The following PRKAG2 variants were observed in gnomAD, a reference collection of about 807,000 sequenced individuals.
PRKAG2 encodes the protein 5'-AMP-activated protein kinase subunit gamma-2.
A neutral mutation model predicts 69.6 loss-of-function variants in PRKAG2; 26 were observed. That is an observed-to-expected ratio of 0.37 (90% CI 0.27 to 0.52). The LOEUF (loss-of-function observed/expected upper bound fraction) is 0.52, where lower values mean the gene tolerates loss of function less well. Among genes scored for constraint, PRKAG2 ranks in the 20% least tolerant of loss-of-function variants. The pLI is 0.90. For synonymous variants in PRKAG2, 293 were observed against 285.0 expected (o/e 1.03, Z -0.28); for missense variants, 557 against 740.0 (o/e 0.75, Z 2.87).
rs555690802 is a variant in PRKAG2 at position 151,580,926 on chromosome 7, G to A, written c.865-4474C>T. 4.6e-5 allele frequency among the ~76,000 whole-genome samples: 7 copies of A among 152,244 alleles called. No homozygotes were observed. The South Asian group carries it at 1.5e-3, about 32-fold the overall frequency. ...TGACTACAGTCAACAATAATTTATTGTACATTTAAAAATAACCAATAATTG... is the reference window on the plus strand; with the variant it reads ...TGACTACAGTCAACAATAATTTATTATACATTTAAAAATAACCAATAATTG... On this transcript the variant is annotated intron_variant, in intron 6 of 15. Coordinates refer to ENST00000287878, the MANE Select transcript of PRKAG2 (RefSeq NM_016203.4).
intron 3 of PRKAG2, chr7:151,736,150 CG>C: frequency 6.9e-7 from 1 of 1,450,428 alleles, no homozygotes; most frequent in Non-Finnish European, 9.1e-7. Flanking sequence ...GGTGACAGCC[CG>C]GGTTCAAGCG....
At chr7:151,576,276 T>G in intron 7 of PRKAG2, 95 bp downstream of exon 7, 1 of 1,120,720 alleles carries the variant, frequency 8.9e-7, no homozygotes, top group Non-Finnish European at 1.3e-6. Flanking sequence ...ACATGTTTAC[T>G]AGGTTGAATT....
In PRKAG2 at chr7:151,576,459, A is replaced by G. The variant is rs1433226385; in HGVS notation, c.865-7T>C. The G allele has an allele frequency of 1.3e-6, 2 of 1,578,676 alleles. No individual in the cohort carries two copies. The highest frequency in any genetic ancestry group is 1.1e-5 in the South Asian group (1 of 90,262). ...CAAAGAAGGCCTTTTTAACCTGAAGAAAAAGAGGAGAAACAAAACATACTT... is the reference window on the plus strand; with the variant it reads ...CAAAGAAGGCCTTTTTAACCTGAAGGAAAAGAGGAGAAACAAAACATACTT... On this transcript the variant is annotated splice_region_variant and splice_polypyrimidine_tract_variant and intron_variant, in intron 6 of 15. Transcript: ENST00000287878.
chr7:151,868,651 A>G (rs2080138232), intron 1 of PRKAG2, among the ~76,000 whole-genome samples: 1 of 152,200 alleles, frequency 6.6e-6, no homozygotes, highest in African/African-American at 2.4e-5. Context: ...GATCACGTTC[A>G]TTGGTCCCAT....
At chr7:151,718,141 G>A (rs1449807183) in intron 3 of PRKAG2, among the ~76,000 whole-genome samples, 3 of 152,144 alleles carry the variant, frequency 2.0e-5, no homozygotes, top group Non-Finnish European at 4.4e-5. Context: ...TAGATGGGGT[G>A]GCTTACGTAA....
intron 3 of PRKAG2, among the ~76,000 whole-genome samples, chr7:151,773,023 A>AAGAAAGAAAGAGAG (rs1563639223): frequency 1.8e-5 from 1 of 55,052 alleles, no homozygotes; most frequent in South Asian, 5.9e-4. Context: ...GAAAGAAAGA[A>AAGAAAGAAAGAGAG]AGAGAGAGAG....
At position 151,632,331 on chromosome 7, in the gene PRKAG2, G is replaced by C. The variant is rs1009950396; in HGVS notation, c.685-193C>G. On this transcript the variant is annotated intron_variant, in intron 4 of 15. Coordinates refer to ENST00000287878, the MANE Select transcript of PRKAG2 (RefSeq NM_016203.4). The surrounding 1 kb of genome is among the most constrained non-coding windows in gnomAD (Gnocchi z 4.2). ...CCCCCACCCGCCCGAGGCCGCCGCC[G>C]CCGCCGCAGGTGGCGCGGCCGCGGC... 10 of 707,834 alleles carry C rather than the reference G, an allele frequency of 1.4e-5. No homozygotes were observed. The highest frequency in any genetic ancestry group is 2.0e-5 in the African/African-American group (1 of 51,124). The allele number at this position is 707,834 out of a possible 1,614,324, so 43.8% of individuals were successfully genotyped here. A position where few individuals can be genotyped will look rare whatever the true frequency, so the allele number is the denominator to read the frequency against.
In PRKAG2 at chr7:151,760,011, A is replaced by C. The variant is rs531646113; in HGVS notation, c.466+21141T>G. On this transcript the variant is annotated intron_variant, in intron 3 of 15. Coordinates refer to ENST00000287878, the MANE Select transcript of PRKAG2 (RefSeq NM_016203.4). ...TGTGGACTGTGGTGGGGTAGCACCA[A>C]GTCATTCCTACAGAGTTTCTCTGTT... Among the ~76,000 whole-genome samples, 197 of 152,358 alleles carry C rather than the reference A, an allele frequency of 1.3e-3. 1 individual carries two copies. The highest frequency in any genetic ancestry group is 2.6e-3 in the Non-Finnish European group (180 of 68,028).
At chr7:151,815,429 G>T (rs894935562) in intron 1 of PRKAG2, among the ~76,000 whole-genome samples, 8 of 152,030 alleles carry the variant, frequency 5.3e-5, no homozygotes, top group African/African-American at 1.9e-4. Context: ...ACCTCCTCCT[G>T]GGGGCTCTCA....
intron 6 of PRKAG2, among the ~76,000 whole-genome samples, chr7:151,586,191 C>T (rs1307180769): frequency 3.3e-5 from 5 of 152,228 alleles, no homozygotes; most frequent in African/African-American, 9.6e-5. Context: ...TGCTTGGCTG[C>T]CAAGCTGCAG....
At position 151,788,311 on chromosome 7, in the gene PRKAG2, C is replaced by T. The variant is rs2077112334; in HGVS notation, c.115-1770G>A. On this transcript the variant is annotated intron_variant, in intron 1 of 15. Transcript: ENST00000287878. This position sits in a 1 kb window ranked among gnomAD's most constrained non-coding sequence, Gnocchi z 4.6. ...GACAGCCATCTTAAGTGGGCGTGAG[C>T]TGGTATCTCATTGTGGTTTTGATTT... is the stretch of plus-strand genomic sequence containing the variant. Among the ~76,000 whole-genome samples, 1 of 152,220 alleles carries T rather than the reference C, an allele frequency of 6.6e-6. No homozygotes were observed. The highest frequency in any genetic ancestry group is 1.5e-5 in the Non-Finnish European group (1 of 68,044).
intron 1 of PRKAG2, among the ~76,000 whole-genome samples, chr7:151,795,862 T>TACAC (rs1399450065): frequency 1.8e-5 from 2 of 110,216 alleles, no homozygotes; most frequent in African/African-American, 7.6e-5. Context: ...TATATATATA[T>TACAC]ATATATATAT....
At position 151,675,599 on chromosome 7, in the gene PRKAG2, C is replaced by A; in HGVS notation, c.505G>T (p.Val169Leu). Reference sequence around the variant, plus strand: ...AGGGGAAACGTGTGCTGCTTGGTCACTTGGGTGGGTGTTGACGGAGAGGAG... The same window carrying A: ...AGGGGAAACGTGTGCTGCTTGGTCAATTGGGTGGGTGTTGACGGAGAGGAG... Reference protein sequence around the residue: ...LSSSPSTPTQVTKQHTFPLES... With the variant: ...LSSSPSTPTQLTKQHTFPLES... Residue 169 changes from valine to leucine, a missense_variant, in exon 4 of 16, where the codon GTG (valine) becomes TTG (leucine). Val to Leu is a conservative substitution (Grantham distance 32). Coordinates refer to ENST00000287878, the MANE Select transcript of PRKAG2 (RefSeq NM_016203.4). 2 of 1,614,106 alleles carry A rather than the reference C, an allele frequency of 1.2e-6. No individual in the cohort carries two copies. The highest frequency in any genetic ancestry group is 1.7e-6 in the Non-Finnish European group (2 of 1,179,976).
At chr7:151,711,188 CTG>C (rs1795244605) in intron 3 of PRKAG2, among the ~76,000 whole-genome samples, 1 of 151,488 alleles carries the variant, frequency 6.6e-6, no homozygotes, top group South Asian at 2.1e-4. Context: ...GCTTAGAGAA[CTG>C]AGGGTGCTAG....
At chr7:151,577,618 G>A (rs1456447009) in intron 6 of PRKAG2, among the ~76,000 whole-genome samples, 1 of 152,082 alleles carries the variant, frequency 6.6e-6, no homozygotes, top group East Asian at 1.9e-4. Flanking sequence ...TATTGCTTGT[G>A]CAACAGCTTT....
chr7:151,865,270 T>C (rs966711561), intron 1 of PRKAG2, among the ~76,000 whole-genome samples: 9 of 152,230 alleles, frequency 5.9e-5, no homozygotes. Flanking sequence ...TCGGCTGGCA[T>C]GGAGCCGACT....
chr7:151,814,606 A>G lies in PRKAG2; in HGVS notation c.115-28065T>C. 1 of 1,231,754 alleles carries G rather than the reference A, an allele frequency of 8.1e-7. No individual in the cohort carries two copies. Among genetic ancestry groups the G allele is most frequent in the Non-Finnish European group, 1.0e-6 (1 of 987,990 alleles). 76.3% of individuals were successfully genotyped at this position (1,231,754 alleles called of 1,614,324 possible). A position where few individuals can be genotyped will look rare whatever the true frequency, so the allele number is the denominator to read the frequency against. Reference sequence around the variant, plus strand: ...AGCCCCTTCAGCACAGGCAATTTCTAGGGTTCGGCTGTGCTCCGAGCTGCT... The same window carrying G: ...AGCCCCTTCAGCACAGGCAATTTCTGGGGTTCGGCTGTGCTCCGAGCTGCT... On this transcript the variant is annotated intron_variant, in intron 1 of 15. Transcript: ENST00000287878. The surrounding 1 kb of genome is among the most constrained non-coding windows in gnomAD (Gnocchi z 4.8).
chr7:151,702,074 C>T (rs370688685), intron 3 of PRKAG2, among the ~76,000 whole-genome samples: 11 of 152,240 alleles, frequency 7.2e-5, no homozygotes, highest in East Asian at 3.9e-4. Flanking sequence ...CTGCACTGTC[C>T]GTATTTCCAA....
chr7:151,677,826 C>T (rs921095761), intron 3 of PRKAG2, among the ~76,000 whole-genome samples: 6 of 152,200 alleles, frequency 3.9e-5, no homozygotes, highest in African/African-American at 1.4e-4. Context: ...TTTTTCTGTC[C>T]ATCAATCTTC....
Sources: gnomAD v4.1 joint callset for allele counts (sites outside exome capture counted in the v4.1 genomes callset) on GRCh38, gnomAD v4.1.1 for gene constraint, Gnocchi (gnomAD v3.1) non-coding constraint, MANE v1.5 for transcripts, NCBI Gene and HGNC (gene_info 2026-07-23, HGNC 2026-07-21) for gene names.